SBF2: variants seen among roughly 807,000 people sequenced by gnomAD.
SBF2 encodes myotubularin-related protein 13.
SBF2 carries 112 observed loss-of-function variants against 225.2 expected under a neutral mutation model. The ratio of observed to expected loss-of-function variants is 0.50; its 90% confidence interval spans 0.43 to 0.58. The LOEUF is 0.58. SBF2 is among the 20% of genes least tolerant of loss of function. The pLI, the probability that SBF2 is intolerant of heterozygous loss-of-function variation, is 0.00. For synonymous variants in SBF2, 763 were observed against 773.3 expected (o/e 0.99, Z 0.22); for missense variants, 1,996 against 2,206.2 (o/e 0.90, Z 1.91).
intron 16 of SBF2, among the ~76,000 whole-genome samples, chr11:9,949,928 T>C (rs893579616): frequency 1.3e-5 from 2 of 152,162 alleles, no homozygotes; most frequent in African/African-American, 2.4e-5. Flanking sequence ...CATTAAAATA[T>C]CCACAATGTA....
intron 29 of SBF2, among the ~76,000 whole-genome samples, chr11:9,813,867 C>T (rs193069733): frequency 5.3e-5 from 8 of 151,922 alleles, no homozygotes; most frequent in South Asian, 2.1e-4. Flanking sequence ...ACTTGAACCC[C>T]GGAGATGGAG....
At position 9,907,857 on chromosome 11, in the gene SBF2, G is replaced by A. The variant is rs146146791; in HGVS notation, c.1861-11846C>T. ...TTTCATTTAATCTTCACAACATCTC[G>A]ATTAGATAGGTACTGTAATTATGTC... is the stretch of plus-strand genomic sequence containing the variant. On this transcript the variant is annotated intron_variant, in intron 16 of 39. Transcript: ENST00000256190. Among the ~76,000 whole-genome samples, 15 of 152,270 alleles carry A rather than the reference G, an allele frequency of 9.9e-5. No individual in the cohort carries two copies. The East Asian group carries it at 2.3e-3, about 23-fold the overall frequency.
At chr11:9,962,239 G>C (rs1866621819) in intron 15 of SBF2, 133 bp from the exon 16 acceptor site, 2 of 681,796 alleles carry the variant, frequency 2.9e-6, no homozygotes, top group Admixed American at 5.1e-5. Flanking sequence ...TAAACTCCTA[G>C]GGAATAGGTG....
At chr11:10,272,530 C>G (rs1962578325) in intron 1 of SBF2, among the ~76,000 whole-genome samples, 1 of 152,212 alleles carries the variant, frequency 6.6e-6, no homozygotes, top group Non-Finnish European at 1.5e-5. Context: ...TGGCTTACGC[C>G]TGTAATCCCA....
At chr11:10,120,899 C>T (rs1002292986) in intron 2 of SBF2, among the ~76,000 whole-genome samples, 1 of 151,804 alleles carries the variant, frequency 6.6e-6, no homozygotes, top group Non-Finnish European at 1.5e-5. Context: ...AGCTAGCAGG[C>T]GTGAGCTACC....
At chr11:9,900,176 T>C (rs1431389221) in intron 16 of SBF2, among the ~76,000 whole-genome samples, 1 of 152,082 alleles carries the variant, frequency 6.6e-6, no homozygotes, top group Non-Finnish European at 1.5e-5. Flanking sequence ...TTTTGGAAAA[T>C]GATGATTTAA....
At chr11:10,302,289 C>A (rs189594185) in intron 1 of SBF2, among the ~76,000 whole-genome samples, 97 of 152,316 alleles carry the variant, frequency 6.4e-4, no homozygotes, top group Non-Finnish European at 1.1e-3. Context: ...AACTCCTTAT[C>A]TTTTTTCGAC....
chr11:9,939,285 A>G (rs77481145), intron 16 of SBF2, among the ~76,000 whole-genome samples: 1 of 152,022 alleles, frequency 6.6e-6, no homozygotes, highest in Non-Finnish European at 1.5e-5. Context: ...TTAAGTAGAG[A>G]CGGGGTTTCA....
chr11:10,252,834 T>A (rs72850439), intron 1 of SBF2, among the ~76,000 whole-genome samples: 28,113 of 132,092 alleles, frequency 0.21, 2,868 homozygotes, highest in Middle Eastern at 0.27. Flanking sequence ...AAAAAAAAAA[T>A]CAAAAAAAAG....
At chr11:9,809,631 GC>G (rs976628703) in intron 30 of SBF2, among the ~76,000 whole-genome samples, 3 of 147,580 alleles carry the variant, frequency 2.0e-5, no homozygotes, top group African/African-American at 7.6e-5. Context: ...CACAACCTCT[GC>G]CCCCCGGGTT....
rs530600997 is a variant in SBF2 at position 10,109,642 on chromosome 11, T to C, written c.142-66661A>G. ...ACACTTAGAATAATTAAAAAATGAC[T>C]GTTGTTGCTTCTACATGGACTCAAC... On this transcript the variant is annotated intron_variant, in intron 2 of 39. Transcript: ENST00000256190. Among the ~76,000 whole-genome samples the C allele has an allele frequency of 2.0e-5, 3 of 152,324 alleles. No homozygotes were observed. The South Asian group carries it at 6.2e-4, about 32-fold the overall frequency.
At chr11:9,913,064 G>A (rs2134193694) in intron 16 of SBF2, among the ~76,000 whole-genome samples, 1 of 152,154 alleles carries the variant, frequency 6.6e-6, no homozygotes, top group East Asian at 1.9e-4. Context: ...GGGGTTGATG[G>A]CTTGAGCCCA....
At chr11:10,137,178 A>G (rs901051906) in intron 2 of SBF2, among the ~76,000 whole-genome samples, 28 of 152,176 alleles carry the variant, frequency 1.8e-4, no homozygotes. Context: ...ATTACACTGT[A>G]TTTTAAAATT....
intron 2 of SBF2, among the ~76,000 whole-genome samples, chr11:10,057,146 G>A (rs1950284210): frequency 6.6e-6 from 1 of 152,120 alleles, no homozygotes; most frequent in South Asian, 2.1e-4. Context: ...ACTAGAGACT[G>A]CAGCGGGCCC....
Position 10,024,830 on chromosome 11 carries a change from T to C in SBF2, c.619+3622A>G, listed in dbSNP as rs75779657. On this transcript the variant is annotated intron_variant, in intron 6 of 39. Coordinates refer to ENST00000256190, the MANE Select transcript of SBF2 (RefSeq NM_030962.4). ...TGCAAGTCTGAGGTACTGTAATTTC[T>C]TGACTAGAATCTGGAATTGTCATGC... is the stretch of plus-strand genomic sequence containing the variant. Among the ~76,000 whole-genome samples, 331 of 152,318 alleles carry C rather than the reference T, an allele frequency of 2.2e-3. 2 individuals carry two copies. Among genetic ancestry groups the C allele is most frequent in the African/African-American group, 7.7e-3 (322 of 41,564 alleles).
intron 2 of SBF2, among the ~76,000 whole-genome samples, chr11:10,175,312 G>A (rs1956411014): frequency 6.6e-6 from 1 of 151,446 alleles, no homozygotes; most frequent in Non-Finnish European, 1.5e-5. Context: ...AAAGGATGGA[G>A]GAAGATCTAC....
At chr11:9,785,375 G>GACTA (rs397775019) in intron 36 of SBF2, 57 bp from the exon 37 acceptor site, 2 of 1,418,450 alleles carry the variant, frequency 1.4e-6, no homozygotes, top group South Asian at 1.2e-5. Flanking sequence ...ACTACTGACT[G>GACTA]GAAAATTTCA....
At chr11:10,089,048 G>A (rs1390154211) in intron 2 of SBF2, among the ~76,000 whole-genome samples, 7 of 151,856 alleles carry the variant, frequency 4.6e-5, no homozygotes, top group Non-Finnish European at 8.8e-5. Context: ...TCCAAAAGAC[G>A]GTCTTAAAAA....
At chr11:9,918,068 G>A (rs1255787356) in intron 16 of SBF2, among the ~76,000 whole-genome samples, 1 of 150,712 alleles carries the variant, frequency 6.6e-6, no homozygotes, top group Non-Finnish European at 1.5e-5. Context: ...AATATGTTTA[G>A]TTGAAATAGG....
Sources: gnomAD v4.1 joint callset for allele counts (sites outside exome capture counted in the v4.1 genomes callset) on GRCh38, gnomAD v4.1.1 for gene constraint, MANE v1.5 for transcripts, NCBI Gene and HGNC (gene_info 2026-07-23, HGNC 2026-07-21) for gene names.